Variants in NEGR1 observed in about 807,000 individuals in gnomAD.
NEGR1 encodes IgLON family member 4.
In NEGR1, 10 loss-of-function variants were observed where a neutral mutation model predicts 40.9. That is an observed-to-expected ratio of 0.24 (90% CI 0.15 to 0.42). The LOEUF is 0.42. Among genes scored for constraint, NEGR1 ranks in the 10% least tolerant of loss-of-function variants. The probability of loss-of-function intolerance (pLI) is 1.00; values close to 1 mark genes in which losing one functional copy is unlikely to be tolerated. For synonymous variants in NEGR1, 185 were observed against 166.8 expected (o/e 1.11, Z -0.84); for missense variants, 352 against 438.9 (o/e 0.80, Z 1.77).
intron 6 of NEGR1, among the ~76,000 whole-genome samples, chr1:71,430,843 T>C (rs1406125035): frequency 6.6e-6 from 1 of 151,090 alleles, no homozygotes; most frequent in Non-Finnish European, 1.5e-5. Context: ...CACTGCAAGC[T>C]CCGTCTCCCG....
At chr1:72,005,675 A>C (rs1046058077) in intron 1 of NEGR1, among the ~76,000 whole-genome samples, 1 of 152,142 alleles carries the variant, frequency 6.6e-6, no homozygotes, top group Non-Finnish European at 1.5e-5. Context: ...TTATTCATAA[A>C]TCAAGTTTCC....
chr1:72,238,071 T>C (rs1280644205), intron 1 of NEGR1, among the ~76,000 whole-genome samples: 1 of 151,930 alleles, frequency 6.6e-6, no homozygotes, highest in Non-Finnish European at 1.5e-5. Context: ...GATTTAAATG[T>C]CTGATAATCT....
At chr1:71,507,294 A>C (rs966048157) in intron 6 of NEGR1, among the ~76,000 whole-genome samples, 1 of 152,242 alleles carries the variant, frequency 6.6e-6, no homozygotes, top group Non-Finnish European at 1.5e-5. Flanking sequence ...ATGTGAAGGA[A>C]GAATTAGACA....
intron 1 of NEGR1, among the ~76,000 whole-genome samples, chr1:72,091,820 G>A (rs1557522147): frequency 2.0e-5 from 3 of 152,114 alleles, no homozygotes; most frequent in Non-Finnish European, 4.4e-5. Context: ...ATATCAAGAT[G>A]CCAATAAGGT....
chr1:72,269,501 C>CT (rs1164632498), intron 1 of NEGR1, among the ~76,000 whole-genome samples: 5 of 151,644 alleles, frequency 3.3e-5, no homozygotes, highest in Non-Finnish European at 3.0e-5. Context: ...TGAGTCTGAG[C>CT]TTTGGAGACA....
chr1:71,803,278 C>T (rs1420886106), intron 2 of NEGR1, among the ~76,000 whole-genome samples: 3 of 152,064 alleles, frequency 2.0e-5, no homozygotes, highest in Non-Finnish European at 4.4e-5. Flanking sequence ...CAGAATGTGG[C>T]TATATATGAG....
At chr1:72,029,438 G>A (rs1181661703) in intron 1 of NEGR1, among the ~76,000 whole-genome samples, 2 of 152,214 alleles carry the variant, frequency 1.3e-5, no homozygotes, top group African/African-American at 4.8e-5. Flanking sequence ...GTCAGCAGCT[G>A]AAATAGCTAT....
chr1:71,433,227 T>C (rs1344123132), intron 6 of NEGR1, among the ~76,000 whole-genome samples: 2 of 152,216 alleles, frequency 1.3e-5, no homozygotes, highest in Non-Finnish European at 2.9e-5. Flanking sequence ...ATTTATAAAT[T>C]GTTCAGTCTC....
intron 1 of NEGR1, among the ~76,000 whole-genome samples, chr1:71,972,359 G>C (rs1186239222): frequency 6.6e-6 from 1 of 152,098 alleles, no homozygotes; most frequent in African/African-American, 2.4e-5. Flanking sequence ...TTGTGGGATG[G>C]GGGGACATAG....
At chr1:72,016,834 C>A (rs543368788) in intron 1 of NEGR1, among the ~76,000 whole-genome samples, 1 of 152,074 alleles carries the variant, frequency 6.6e-6, no homozygotes. Flanking sequence ...AGTGTCGAAT[C>A]CAGTTAATTA....
chr1:72,164,215 G>T (rs752237956), intron 1 of NEGR1, among the ~76,000 whole-genome samples: 1 of 151,882 alleles, frequency 6.6e-6, no homozygotes, highest in South Asian at 2.1e-4. Flanking sequence ...AACCTTTAAC[G>T]ACCGTTGAAA....
chr1:71,744,342 AAAT>A (rs3077144), intron 3 of NEGR1, among the ~76,000 whole-genome samples: 17,416 of 141,064 alleles, frequency 0.12, 1,356 homozygotes, highest in African/African-American at 0.23. Flanking sequence ...AGTACTCTGT[AAAT>A]AATAATAATA....
intron 1 of NEGR1, among the ~76,000 whole-genome samples, chr1:72,234,908 A>G (rs1314615828): frequency 6.6e-6 from 1 of 152,124 alleles, no homozygotes; most frequent in Non-Finnish European, 1.5e-5. Context: ...CAGAAATCCC[A>G]TTACTGGGTA....
At chr1:71,899,095 A>G (rs1253044317) in intron 2 of NEGR1, among the ~76,000 whole-genome samples, 1 of 148,642 alleles carries the variant, frequency 6.7e-6, no homozygotes, top group Non-Finnish European at 1.5e-5. Context: ...GAACAGCAAA[A>G]TTCTTTTAAG....
At chr1:72,103,838 G>A (rs769294975) in intron 1 of NEGR1, among the ~76,000 whole-genome samples, 45 of 152,066 alleles carry the variant, frequency 3.0e-4, no homozygotes, top group Admixed American at 2.2e-3. Flanking sequence ...TCTTAGGGAC[G>A]TATTTTAATG....
In NEGR1 at chr1:72,225,852, T is replaced by G. The variant is rs535422257; in HGVS notation, c.176+56467A>C. Among the ~76,000 whole-genome samples the G allele has an allele frequency of 5.9e-5, 9 of 151,872 alleles. No homozygotes were observed. In the South Asian group the frequency reaches 1.9e-3, roughly 32 times the overall value. Reference sequence around the variant, plus strand: ...TATTCACAAGAATCACAATTACGTTTGGTACAAATCTGTCACTTTTGATGA... The same window carrying G: ...TATTCACAAGAATCACAATTACGTTGGGTACAAATCTGTCACTTTTGATGA... On this transcript the variant is annotated intron_variant, in intron 1 of 6. Transcript: ENST00000357731.
intron 2 of NEGR1, among the ~76,000 whole-genome samples, chr1:71,830,787 T>C (rs1232491825): frequency 6.6e-6 from 1 of 151,976 alleles, no homozygotes; most frequent in Non-Finnish European, 1.5e-5. Context: ...TTAGTTGTTA[T>C]AATTCAATCA....
intron 1 of NEGR1, among the ~76,000 whole-genome samples, chr1:72,173,008 T>C (rs1557562097): frequency 6.6e-6 from 1 of 151,952 alleles, no homozygotes; most frequent in Admixed American, 6.6e-5. Context: ...TTTTATTTTA[T>C]TTATTTATTT....
intron 1 of NEGR1, among the ~76,000 whole-genome samples, chr1:71,942,962 T>TTA (rs1447490882): frequency 5.8e-4 from 73 of 126,512 alleles, no homozygotes; most frequent in South Asian, 3.9e-3. Context: ...TAAGTTTGTT[T>TTA]TATATATATA....
Sources: allele counts gnomAD v4.1 joint callset (sites outside exome capture counted in the v4.1 genomes callset), GRCh38; gene constraint gnomAD v4.1.1; transcripts MANE v1.5; gene names NCBI Gene and HGNC (gene_info 2026-07-23, HGNC 2026-07-21).